ARHGEF3: variants seen among roughly 807,000 people sequenced by gnomAD.
ARHGEF3 encodes the protein Rho guanine nucleotide exchange factor 3.
In ARHGEF3, 28 loss-of-function variants were observed where a neutral mutation model predicts 63.2. The observed-to-expected ratio is 0.44, with a 90% CI of 0.33 to 0.61. ARHGEF3 has a LOEUF of 0.61. Among genes scored for constraint, ARHGEF3 ranks in the 20% least tolerant of loss-of-function variants. ARHGEF3 has a pLI of 0.03. For synonymous variants in ARHGEF3, 266 were observed against 254.2 expected (o/e 1.05, Z -0.44); for missense variants, 533 against 659.3 (o/e 0.81, Z 2.10).
chr3:56,944,751 G>C (rs1055646932), intron 3 of ARHGEF3, among the ~76,000 whole-genome samples: 1 of 151,744 alleles, frequency 6.6e-6, no homozygotes, highest in Admixed American at 6.6e-5. Context: ...GCTAATTTTT[G>C]TATTTTTAAT....
chr3:57,018,187 G>A (rs1433969584), intron 2 of ARHGEF3, among the ~76,000 whole-genome samples: 1 of 150,952 alleles, frequency 6.6e-6, no homozygotes, highest in Non-Finnish European at 1.5e-5. Flanking sequence ...GCTGAGGCAG[G>A]AGAATCACTT....
At chr3:57,055,578 C>T (rs566948240) in intron 1 of ARHGEF3, among the ~76,000 whole-genome samples, 39 of 152,306 alleles carry the variant, frequency 2.6e-4, no homozygotes, top group African/African-American at 8.4e-4. Flanking sequence ...TTTAGGTTCT[C>T]AATCCATCTT....
chr3:56,738,097 G>A (rs34481679), intron 7 of ARHGEF3, among the ~76,000 whole-genome samples: 20,380 of 152,150 alleles, frequency 0.13, 1,885 homozygotes, highest in Admixed American at 0.26. Flanking sequence ...AGGCTGGAGT[G>A]CAGTGGCGTG....
chr3:56,955,656 G>A (rs537743034), intron 3 of ARHGEF3, among the ~76,000 whole-genome samples: 1 of 152,296 alleles, frequency 6.6e-6, no homozygotes, highest in South Asian at 2.1e-4. Flanking sequence ...TTCACAAAAA[G>A]CACACCCTGC....
intron 2 of ARHGEF3, among the ~76,000 whole-genome samples, chr3:56,982,708 A>G (rs184517400): frequency 3.4e-4 from 52 of 152,300 alleles, no homozygotes; most frequent in African/African-American, 1.3e-3. Context: ...ATGAATGAGG[A>G]AATGGATGAT....
At chr3:56,789,879 G>C (rs2036998137) in intron 1 of ARHGEF3, among the ~76,000 whole-genome samples, 1 of 152,172 alleles carries the variant, frequency 6.6e-6, no homozygotes, top group Non-Finnish European at 1.5e-5. Flanking sequence ...TCAAGTGATG[G>C]GGAGGTGTTA....
chr3:56,925,967 C>T (rs907626877), intron 3 of ARHGEF3, among the ~76,000 whole-genome samples: 14 of 152,200 alleles, frequency 9.2e-5, no homozygotes, highest in Non-Finnish European at 2.9e-5. Context: ...CTTTGTTCAA[C>T]AGAAATGTGC....
At chr3:56,977,296 G>A (rs1281603144) in intron 2 of ARHGEF3, 1 of 456,602 alleles carries the variant, frequency 2.2e-6, no homozygotes, top group South Asian at 1.5e-5. Flanking sequence ...TATCAAACAT[G>A]GTCCATCTAA....
chr3:56,794,314 C>G lies in ARHGEF3; in HGVS notation c.96+7389G>C, dbSNP rs1281039065. 2.6e-5 allele frequency among the ~76,000 whole-genome samples: 4 copies of G among 151,798 alleles called. No homozygotes were observed. In the East Asian group the frequency reaches 7.7e-4, roughly 29 times the overall value. ...ACCAGCCTGGCCAACATGGTGAAACCCTGTTTCTACTAAAAATACAAAAAT... is the reference window on the plus strand; with the variant it reads ...ACCAGCCTGGCCAACATGGTGAAACGCTGTTTCTACTAAAAATACAAAAAT... On this transcript the variant is annotated intron_variant, in intron 1 of 9. Transcript: ENST00000296315.
chr3:56,767,147 T>C (rs2035745188), intron 2 of ARHGEF3, among the ~76,000 whole-genome samples: 1 of 146,800 alleles, frequency 6.8e-6, no homozygotes, highest in South Asian at 2.1e-4. Flanking sequence ...TTTGTCTCTA[T>C]TAAAAAAAAA....
intron 8 of ARHGEF3, among the ~76,000 whole-genome samples, chr3:56,734,063 G>T (rs1413279851): frequency 1.3e-5 from 2 of 151,658 alleles, no homozygotes; most frequent in Non-Finnish European, 1.5e-5. Context: ...TCTGAAGAGG[G>T]TTAAAAAGTT....
chr3:56,862,919 G>A (rs1364395898), intron 4 of ARHGEF3, among the ~76,000 whole-genome samples: 1 of 152,086 alleles, frequency 6.6e-6, no homozygotes, highest in African/African-American at 2.4e-5. Flanking sequence ...GAAGAGTTTG[G>A]TTTTGTTTTT....
intron 4 of ARHGEF3, among the ~76,000 whole-genome samples, chr3:56,881,923 C>T (rs1416298459): frequency 6.6e-6 from 1 of 152,228 alleles, no homozygotes; most frequent in East Asian, 1.9e-4. Flanking sequence ...ATCCGGCTGC[C>T]TGAGCTGGGC....
Position 56,898,583 on chromosome 3 carries a change from C to G in ARHGEF3, c.130-16229G>C, listed in dbSNP as rs1382410798. 1.1e-5 allele frequency: 3 copies of G among 268,436 alleles called. No homozygotes were observed. In the Admixed American group the frequency reaches 1.2e-4, roughly 10 times the overall value. The allele number at this position is 268,436 out of a possible 1,614,324, so 16.6% of individuals were successfully genotyped here. ...AGTTTGGAGTTCCCCTAAAGCAGAT[C>G]CTGGAGCAAAGATGTAAGTATCAGC... On this transcript the variant is annotated intron_variant, in intron 3 of 12. Transcript: ENST00000338458.
chr3:56,786,502 GAC>G (rs1559938591), intron 1 of ARHGEF3, among the ~76,000 whole-genome samples: 1 of 152,160 alleles, frequency 6.6e-6, no homozygotes, highest in East Asian at 1.9e-4. Flanking sequence ...CATTTGTTGA[GAC>G]ACTTTCCATC....
chr3:56,904,561 CA>C (rs1277487344), intron 3 of ARHGEF3, among the ~76,000 whole-genome samples: 1 of 151,954 alleles, frequency 6.6e-6, no homozygotes, highest in Non-Finnish European at 1.5e-5. Flanking sequence ...ACTATATTTT[CA>C]AAAAAACATG....
chr3:56,856,883 A>T (rs79565534), intron 4 of ARHGEF3, among the ~76,000 whole-genome samples: 2,519 of 152,152 alleles, frequency 0.017, 65 homozygotes, highest in African/African-American at 0.057. Flanking sequence ...AGGTCTAAGC[A>T]ATGTTATTTC....
At chr3:56,945,975 T>C (rs1699474993) in intron 3 of ARHGEF3, among the ~76,000 whole-genome samples, 1 of 152,138 alleles carries the variant, frequency 6.6e-6, no homozygotes, top group Admixed American at 6.5e-5. Context: ...TTCACCAATA[T>C]CTGCTGTTCT....
At chr3:56,731,265 G>A (rs552254860) in intron 9 of ARHGEF3, among the ~76,000 whole-genome samples, 23 of 152,154 alleles carry the variant, frequency 1.5e-4, no homozygotes, top group Admixed American at 5.2e-4. Context: ...GGCTGGGCCC[G>A]GGGGCCTGTA....
Sources: allele counts gnomAD v4.1 joint callset (sites outside exome capture counted in the v4.1 genomes callset), GRCh38; gene constraint gnomAD v4.1.1; transcripts MANE v1.5; gene names NCBI Gene and HGNC (gene_info 2026-07-23, HGNC 2026-07-21).